Variants in ZNF423 observed in about 807,000 individuals in gnomAD.
ZNF423 encodes the protein zinc finger protein 423, also known as Ebf-associated zinc finger protein.
A neutral mutation model predicts 95.8 loss-of-function variants in ZNF423; 12 were observed. That is an observed-to-expected ratio of 0.13 (90% CI 0.08 to 0.20). The LOEUF (loss-of-function observed/expected upper bound fraction) is 0.20, where lower values mean the gene tolerates loss of function less well. Among genes scored for constraint, ZNF423 ranks in the 10% least tolerant of loss-of-function variants. The pLI, the probability that ZNF423 is intolerant of heterozygous loss-of-function variation, is 1.00. For missense variants in ZNF423, 1,316 were observed against 1,737.1 expected (o/e 0.76, Z 4.31); for synonymous variants, 749 against 711.9 (o/e 1.05, Z -0.83).
intron 3 of ZNF423, among the ~76,000 whole-genome samples, chr16:49,718,778 C>T (rs2032781197): frequency 6.6e-6 from 1 of 152,156 alleles, no homozygotes; most frequent in Non-Finnish European, 1.5e-5. Context: ...TCTGGGTCCC[C>T]TTTTGTAAGA....
At chr16:49,809,296 G>C (rs926028564) in intron 1 of ZNF423, among the ~76,000 whole-genome samples, 1 of 152,218 alleles carries the variant, frequency 6.6e-6, no homozygotes, top group Non-Finnish European at 1.5e-5. Flanking sequence ...TCTGGTCCAC[G>C]GCTGGCAGGG....
rs1440800083 is a variant in ZNF423, at chr16:49,635,160, G to T, written c.3516+500C>A. On this transcript the variant is annotated intron_variant, in intron 4 of 7. Transcript: ENST00000563137. The surrounding 1 kb of genome is among the most constrained non-coding windows in gnomAD (Gnocchi z 4.8). ...CTGAGCCATGAGTGCTGGGCTCTCG[G>T]CCCCTTGTGTGTGTGTGATCTCTAT... Among the ~76,000 whole-genome samples the T allele has an allele frequency of 1.3e-5, 2 of 152,182 alleles. No individual in the cohort carries two copies. The highest frequency in any genetic ancestry group is 2.9e-5 in the Non-Finnish European group (2 of 68,038).
At chr16:49,508,284 G>A (rs8051471) in intron 7 of ZNF423, among the ~76,000 whole-genome samples, 63,102 of 151,644 alleles carry the variant, frequency 0.42, 13,590 homozygotes, top group African/African-American at 0.54. Context: ...ACTTTGGAAG[G>A]CCAAGGCAGT....
At chr16:49,734,155 C>A (rs571508389) in intron 2 of ZNF423, among the ~76,000 whole-genome samples, 2 of 152,342 alleles carry the variant, frequency 1.3e-5, no homozygotes, top group East Asian at 1.9e-4. Flanking sequence ...TCTGGGGTTC[C>A]TCTTTTCCAG....
At chr16:49,676,183 A>G (rs776489418) in intron 3 of ZNF423, among the ~76,000 whole-genome samples, 9 of 152,246 alleles carry the variant, frequency 5.9e-5, no homozygotes, top group Non-Finnish European at 1.0e-4. Context: ...ACAATTATGC[A>G]TCACCGCAGA....
At chr16:49,682,875 G>A (rs926936389) in intron 3 of ZNF423, among the ~76,000 whole-genome samples, 1 of 152,186 alleles carries the variant, frequency 6.6e-6, no homozygotes, top group Non-Finnish European at 1.5e-5. Flanking sequence ...GCTCTGAGTG[G>A]GTGTCAGGAC....
chr16:49,781,359 C>A (rs1010037137), intron 2 of ZNF423, among the ~76,000 whole-genome samples: 1 of 152,176 alleles, frequency 6.6e-6, no homozygotes, highest in Non-Finnish European at 1.5e-5. Context: ...GGCTCCAGCA[C>A]AGACACTAAG....
chr16:49,517,918 G>T, intron 7 of ZNF423: 1 of 448,624 alleles, frequency 2.2e-6, no homozygotes, highest in African/African-American at 2.0e-5. Flanking sequence ...AGGTAAAAAA[G>T]AAATGTAGAA....
At chr16:49,540,705 C>G (rs1597074960) in intron 5 of ZNF423, among the ~76,000 whole-genome samples, 1 of 152,304 alleles carries the variant, frequency 6.6e-6, no homozygotes, top group South Asian at 2.1e-4. Flanking sequence ...TTTAGAATTC[C>G]AAAAGCCAGG....
chr16:49,677,302 A>AAGGGAAGGGAAGGGAAGGGAAGGGAAGG (rs1567284087), intron 3 of ZNF423, among the ~76,000 whole-genome samples: 2 of 75,074 alleles, frequency 2.7e-5, no homozygotes, highest in Non-Finnish European at 2.7e-5. Flanking sequence ...AGAAGAGAAG[A>AAGGGAAGGGAAGGGAAGGGAAGGGAAGG]GAAGAGAAAG....
At chr16:49,695,545 G>A (rs1338370217) in intron 3 of ZNF423, among the ~76,000 whole-genome samples, 3 of 152,174 alleles carry the variant, frequency 2.0e-5, no homozygotes, top group African/African-American at 4.8e-5. Flanking sequence ...CGCCCACCTC[G>A]GCCTCCCAAA....
chr16:49,652,698 G>C (rs917058662), intron 3 of ZNF423, among the ~76,000 whole-genome samples: 7 of 152,238 alleles, frequency 4.6e-5, no homozygotes, highest in Non-Finnish European at 7.3e-5. Context: ...TTTCGGGGTT[G>C]AATCACTGTT....
At position 49,730,779 on chromosome 16, in the gene ZNF423, C is replaced by G; in HGVS notation, c.293G>C (p.Cys98Ser). ...GGGCTGTTTTGCATTACCTCCAGGA[C>G]AGCGGTGGGCCCGGTGGTCCGTCAG... ...ADLTDHRAHR[C>S]PGDGDDDPQL... is the part of the protein sequence containing the mutation. Residue 98 changes from cysteine to serine, a missense_variant, in exon 3 of 8, where the codon TGT becomes TCT. Around this residue, in one of 6 missense-constraint regions of ZNF423, gnomAD observed 155 missense variants for 170.8 expected, o/e 0.91. Transcript: ENST00000563137. The G allele has an allele frequency of 6.2e-7, 1 of 1,614,256 alleles. No homozygotes were observed. The highest frequency in any genetic ancestry group is 8.5e-7 in the Non-Finnish European group (1 of 1,180,056).
intron 5 of ZNF423, among the ~76,000 whole-genome samples, chr16:49,566,386 T>A (rs1033237401): frequency 6.6e-6 from 1 of 152,188 alleles, no homozygotes; most frequent in Non-Finnish European, 1.5e-5. Flanking sequence ...ACCCTGCTCC[T>A]GGAGCAGATG....
At chr16:49,711,058 G>A (rs768058636) in intron 3 of ZNF423, among the ~76,000 whole-genome samples, 117 of 152,154 alleles carry the variant, frequency 7.7e-4, no homozygotes, top group Middle Eastern at 3.2e-3. Flanking sequence ...ACTGTGGAAC[G>A]GGGTGAGATG....
chr16:49,854,362 A>C (rs2035333835), intron 1 of ZNF423: 1 of 985,342 alleles, frequency 1.0e-6, no homozygotes, highest in Non-Finnish European at 1.2e-6. Flanking sequence ...GGAGGACAGA[A>C]CTGACGAGTG....
At chr16:49,726,607 T>C in intron 3 of ZNF423, among the ~76,000 whole-genome samples, 1 of 152,086 alleles carries the variant, frequency 6.6e-6, no homozygotes, top group East Asian at 1.9e-4. Context: ...GGACTGCCCA[T>C]CCTTGGCAAT....
At chr16:49,646,302 G>C (rs772564989) in intron 3 of ZNF423, among the ~76,000 whole-genome samples, 1 of 152,146 alleles carries the variant, frequency 6.6e-6, no homozygotes, top group Non-Finnish European at 1.5e-5. Flanking sequence ...GATCCAAATT[G>C]AGCTCAAGGG....
intron 5 of ZNF423, among the ~76,000 whole-genome samples, chr16:49,538,239 G>A (rs911846840): frequency 1.3e-5 from 2 of 152,244 alleles, no homozygotes; most frequent in African/African-American, 4.8e-5. Flanking sequence ...CTCCAGCGAG[G>A]TGCAGCGAGC....
Sources: gnomAD v4.1 joint callset for allele counts (sites outside exome capture counted in the v4.1 genomes callset) on GRCh38, gnomAD v4.1.1 for gene constraint, gnomAD v4.1.1 regional missense constraint, Gnocchi (gnomAD v3.1) non-coding constraint, MANE v1.5 for transcripts, NCBI Gene and HGNC (gene_info 2026-07-23, HGNC 2026-07-21) for gene names.